ATM: variants seen among roughly 807,000 people sequenced by gnomAD.
ATM encodes ATM serine/threonine kinase.
Under a neutral mutation model 387.0 loss-of-function variants are expected in ATM, and 308 were observed. The observed-to-expected ratio is 0.80, with a 90% CI of 0.73 to 0.87. The LOEUF is 0.87. ATM is among the 40% of genes least tolerant of loss of function. The pLI, the probability that ATM is intolerant of heterozygous loss-of-function variation, is 0.00. For missense variants in ATM, 3,312 were observed against 3,560.9 expected (o/e 0.93, Z 1.78); for synonymous variants, 1,156 against 1,187.3 (o/e 0.97, Z 0.54).
In ATM at chr11:108,287,604, A is replaced by G; in HGVS notation, c.3998A>G (p.Asp1333Gly). The G allele has an allele frequency of 1.9e-6, 3 of 1,605,532 alleles. No homozygotes were observed. Among genetic ancestry groups the G allele is most frequent in the South Asian group, 1.1e-5 (1 of 90,800 alleles). Residue 1333 changes from aspartate to glycine, a missense_variant, in exon 27 of 63, where the codon GAT (aspartate) becomes GGT (glycine). This residue lies in a region of ATM where 1,791 missense variants were observed against 1,804.5 expected (regional missense o/e 0.99). Coordinates refer to ENST00000675843, the MANE Select transcript of ATM (RefSeq NM_000051.4). ...TTTAATTTTGTGCCCTTGCAGATTG[A>G]TCACTTATTCATTAGTAATTTACCA... ...KSENLLGKQI[D>G]HLFISNLPEI...
intron 5 of ATM, among the ~76,000 whole-genome samples, chr11:108,241,819 G>A (rs967254482): frequency 6.6e-5 from 9 of 136,568 alleles, no homozygotes; most frequent in African/African-American, 2.2e-4. Flanking sequence ...GTGAGATCAT[G>A]GCTCTGCAGC....
intron 5 of ATM, among the ~76,000 whole-genome samples, chr11:108,239,391 A>G (rs764001151): frequency 7.1e-4 from 108 of 152,346 alleles, no homozygotes; most frequent in Admixed American, 1.5e-3. Flanking sequence ...GAGGACTCCT[A>G]TAAGTATTTG....
intron 61 of ATM, among the ~76,000 whole-genome samples, chr11:108,359,622 A>G (rs1487588718): frequency 6.6e-6 from 1 of 152,254 alleles, no homozygotes; most frequent in African/African-American, 2.4e-5. Flanking sequence ...ACATCAAACT[A>G]GAACTCAGGA....
intron 16 of ATM, among the ~76,000 whole-genome samples, chr11:108,263,989 A>G (rs1232034104): frequency 2.0e-5 from 3 of 149,440 alleles, no homozygotes; most frequent in Non-Finnish European, 4.4e-5. Context: ...GCAATAATCA[A>G]TAGCTTACCA....
chr11:108,356,036 TAC>T (rs2089877277), intron 61 of ATM: 1 of 152,220 alleles, frequency 6.6e-6, no homozygotes, highest in Admixed American at 6.5e-5. Flanking sequence ...AGGTTAAAAA[TAC>T]ATTCTTTTTT....
Position 108,304,734 on chromosome 11 carries a change from A to G in ATM, c.5556A>G (p.Gln1852=), listed in dbSNP as rs1555107364. The part of the protein sequence containing the change: ...LPYLIHDILL[Q]DTNESWRNLL... ...ACTTGATTCATGATATTTTACTCCAAGATACAAATGAATCATGGAGAAATC... is the reference window on the plus strand; with the variant it reads ...ACTTGATTCATGATATTTTACTCCAGGATACAAATGAATCATGGAGAAATC... Residue 1852 remains glutamine, a synonymous_variant, in exon 37 of 63, where the codon CAA becomes CAG. Transcript: ENST00000675843. 1 of 1,613,904 alleles carries G rather than the reference A, an allele frequency of 6.2e-7. No homozygotes were observed.
intron 49 of ATM, 29 bp downstream of exon 49, chr11:108,329,267 T>C: frequency 6.4e-7 from 1 of 1,567,504 alleles, no homozygotes; most frequent in East Asian, 2.3e-5. Flanking sequence ...GTGACAATTT[T>C]ATGTTCACCA....
At chr11:108,326,299 T>C in intron 47 of ATM, 74 bp downstream of exon 47, 1 of 1,533,452 alleles carries the variant, frequency 6.5e-7, no homozygotes, top group Non-Finnish European at 8.9e-7. Flanking sequence ...TAAAATATTT[T>C]TAATAACAAT....
chr11:108,337,876 T>C (rs994760532), intron 56 of ATM, among the ~76,000 whole-genome samples: 2 of 152,214 alleles, frequency 1.3e-5, no homozygotes, highest in African/African-American at 4.8e-5. Context: ...AGAAAGTAGC[T>C]AAGATTTCCA....
At chr11:108,242,284 T>C (rs936421595) in intron 5 of ATM, among the ~76,000 whole-genome samples, 9 of 152,176 alleles carry the variant, frequency 5.9e-5, no homozygotes, top group African/African-American at 1.9e-4. Context: ...TTATCAAAAG[T>C]CATCCAATAT....
At chr11:108,363,341 T>G (rs2091007936) in intron 61 of ATM, among the ~76,000 whole-genome samples, 1 of 152,186 alleles carries the variant, frequency 6.6e-6, no homozygotes, top group African/African-American at 2.4e-5. Context: ...TGTATTTCCC[T>G]TTTCTTTTCA....
chr11:108,234,684 T>A (rs1228534175), intron 4 of ATM, among the ~76,000 whole-genome samples: 1 of 151,506 alleles, frequency 6.6e-6, no homozygotes, highest in African/African-American at 2.4e-5. Flanking sequence ...ATGAAAAATT[T>A]AAAAAATTAG....
intron 39 of ATM, among the ~76,000 whole-genome samples, chr11:108,311,310 G>A (rs766700955): frequency 2.6e-4 from 39 of 152,066 alleles, no homozygotes; most frequent in Non-Finnish European, 8.8e-5. Context: ...ACCCATTTGT[G>A]TACAGAAATG....
At chr11:108,296,544 G>A (rs775103436) in intron 32 of ATM, among the ~76,000 whole-genome samples, 4 of 152,094 alleles carry the variant, frequency 2.6e-5, no homozygotes, top group East Asian at 1.9e-4. Flanking sequence ...GAGCCACCAC[G>A]CCTGGCCTAA....
chr11:108,362,646 G>T (rs2090910200), intron 61 of ATM, among the ~76,000 whole-genome samples: 1 of 149,606 alleles, frequency 6.7e-6, no homozygotes, highest in Non-Finnish European at 1.5e-5. Flanking sequence ...CATGTCCTTT[G>T]TAGGGACATG....
chr11:108,307,619 T>A (rs2083790844), intron 37 of ATM, among the ~76,000 whole-genome samples: 1 of 152,230 alleles, frequency 6.6e-6, no homozygotes, highest in African/African-American at 2.4e-5. Flanking sequence ...CATGCTTATA[T>A]ACTGAGGACC....
At chr11:108,267,097 GA>G (rs1226589741) in intron 16 of ATM, 73 bp from the exon 17 acceptor site, 9 of 1,475,802 alleles carry the variant, frequency 6.1e-6, no homozygotes, top group Non-Finnish European at 8.4e-6. Flanking sequence ...TGCCCAGCCT[GA>G]TTAGGTAAAT....
At chr11:108,362,330 A>G (rs2090866510) in intron 61 of ATM, among the ~76,000 whole-genome samples, 2 of 151,568 alleles carry the variant, frequency 1.3e-5, no homozygotes, top group South Asian at 4.2e-4. Flanking sequence ...GAGAAATAGG[A>G]ACCCTTTTAC....
At chr11:108,308,184 A>G (rs1406914263) in intron 38 of ATM, 200 bp downstream of exon 38, 3 of 599,254 alleles carry the variant, frequency 5.0e-6, no homozygotes, top group South Asian at 3.8e-5. Flanking sequence ...TCTCAATTCT[A>G]GTACCAGCTG....
Sources: allele counts gnomAD v4.1 joint callset (sites outside exome capture counted in the v4.1 genomes callset), GRCh38; gene constraint gnomAD v4.1.1; regional missense constraint gnomAD v4.1.1; transcripts MANE v1.5; gene names NCBI Gene and HGNC (gene_info 2026-07-23, HGNC 2026-07-21).